The following FAT3 variants were observed in gnomAD, a reference collection of about 807,000 sequenced individuals.
FAT3 encodes the protein FAT atypical cadherin 3.
In FAT3, 95 loss-of-function variants were observed where a neutral mutation model predicts 310.2. The ratio of observed to expected loss-of-function variants is 0.31; its 90% CI spans 0.26 to 0.36. The LOEUF (loss-of-function observed/expected upper bound fraction) is 0.36. FAT3 is among the 10% of genes least tolerant of loss of function. The pLI is 1.00. For synonymous variants in FAT3, 2,314 were observed against 2,192.9 expected (o/e 1.06, Z -1.54); for missense variants, 5,408 against 5,715.6 (o/e 0.95, Z 1.74).
At chr11:92,417,842 T>C (rs1950449823) in intron 2 of FAT3, among the ~76,000 whole-genome samples, 1 of 152,334 alleles carries the variant, frequency 6.6e-6, no homozygotes, top group African/African-American at 2.4e-5. Context: ...TGCAGCTCAC[T>C]GTGGATCTCC....
At chr11:92,763,134 G>C (rs1031057271) in intron 5 of FAT3, among the ~76,000 whole-genome samples, 2 of 151,738 alleles carry the variant, frequency 1.3e-5, no homozygotes, top group East Asian at 3.9e-4. Flanking sequence ...ACTCCAGCCC[G>C]GGTGACAGAG....
intron 1 of FAT3, among the ~76,000 whole-genome samples, chr11:92,254,480 C>A (rs188022608): frequency 3.7e-4 from 56 of 152,246 alleles, no homozygotes; most frequent in Admixed American, 3.6e-3. Context: ...GAAATATTAA[C>A]CCTCTCCACT....
intron 11 of FAT3, 138 bp downstream of exon 11, chr11:92,805,487 T>A (rs1321918190): frequency 2.4e-6 from 2 of 816,892 alleles, no homozygotes; most frequent in Non-Finnish European, 3.6e-6. Context: ...GGGTAGGAGG[T>A]GAAGTTTAGG....
chr11:92,486,568 C>T (rs534859273), intron 2 of FAT3, among the ~76,000 whole-genome samples: 10 of 152,140 alleles, frequency 6.6e-5, no homozygotes, highest in African/African-American at 2.4e-4. Flanking sequence ...TTTAAAAAAT[C>T]CCAGATTTTT....
intron 1 of FAT3, among the ~76,000 whole-genome samples, chr11:92,291,896 A>T (rs1946705729): frequency 1.3e-5 from 2 of 152,096 alleles, no homozygotes; most frequent in African/African-American, 4.8e-5. Flanking sequence ...TTTGGGATTC[A>T]GCCTAGAAGA....
At chr11:92,319,847 C>A (rs1396970747) in intron 1 of FAT3, among the ~76,000 whole-genome samples, 3 of 152,126 alleles carry the variant, frequency 2.0e-5, no homozygotes, top group Non-Finnish European at 4.4e-5. Context: ...TAGTGTTTTT[C>A]AAACTGTATT....
At chr11:92,294,638 C>T (rs540128628) in intron 1 of FAT3, among the ~76,000 whole-genome samples, 1 of 148,808 alleles carries the variant, frequency 6.7e-6, no homozygotes, top group East Asian at 2.0e-4. Flanking sequence ...CTATTGCTAA[C>T]ACAAAGAAAA....
intron 2 of FAT3, among the ~76,000 whole-genome samples, chr11:92,462,898 C>T (rs1171115266): frequency 6.6e-6 from 1 of 152,236 alleles, no homozygotes; most frequent in Non-Finnish European, 1.5e-5. Context: ...AGAGAAATCT[C>T]ACTTTCCTGC....
chr11:92,310,834 G>C (rs1947278825), intron 1 of FAT3, among the ~76,000 whole-genome samples: 1 of 151,858 alleles, frequency 6.6e-6, no homozygotes, highest in South Asian at 2.1e-4. Flanking sequence ...GATAAATTTA[G>C]GTAATAGCTA....
Position 92,530,699 on chromosome 11 carries a change from A to G in FAT3, c.3607+5751A>G, listed in dbSNP as rs542320589. Among the ~76,000 whole-genome samples the G allele has an allele frequency of 2.6e-5, 4 of 152,234 alleles. No homozygotes were observed. In the East Asian group the frequency reaches 7.8e-4, roughly 30 times the overall value. ...AGTTCAGACCTACTTTAATGAATCA[A>G]CAAACATTATTGTATTTTAATATAT... On this transcript the variant is annotated intron_variant, in intron 3 of 27. Transcript: ENST00000525166.
intron 2 of FAT3, among the ~76,000 whole-genome samples, chr11:92,383,722 G>T (rs1363410406): frequency 6.6e-6 from 1 of 152,142 alleles, no homozygotes; most frequent in East Asian, 1.9e-4. Context: ...TATCCTCCAG[G>T]ATCTCATGAG....
chr11:92,408,471 C>T (rs1045397539), intron 2 of FAT3, among the ~76,000 whole-genome samples: 42 of 152,190 alleles, frequency 2.8e-4, no homozygotes, highest in African/African-American at 1.0e-3. Context: ...TTAGTTCCCC[C>T]ACCTGAAGCA....
chr11:92,576,462 A>G (rs2135519313), intron 3 of FAT3, among the ~76,000 whole-genome samples: 1 of 152,252 alleles, frequency 6.6e-6, no homozygotes, highest in South Asian at 2.1e-4. Context: ...GATCGTGTTC[A>G]TTCCCAAGCA....
intron 1 of FAT3, among the ~76,000 whole-genome samples, chr11:92,334,681 T>C (rs1375556844): frequency 6.6e-6 from 1 of 152,156 alleles, no homozygotes; most frequent in African/African-American, 2.4e-5. Context: ...TGCCATTCAT[T>C]CATTCATGTC....
chr11:92,463,252 G>C (rs1187974237), intron 2 of FAT3, among the ~76,000 whole-genome samples: 3 of 152,156 alleles, frequency 2.0e-5, no homozygotes, highest in Non-Finnish European at 2.9e-5. Flanking sequence ...CTCTCATTTT[G>C]TATCAGTCTT....
At chr11:92,310,805 C>T (rs1025995745) in intron 1 of FAT3, among the ~76,000 whole-genome samples, 12 of 152,014 alleles carry the variant, frequency 7.9e-5, no homozygotes, top group African/African-American at 2.9e-4. Context: ...TTTTCTGTAT[C>T]ATGACGAGTA....
At chr11:92,770,820 C>A (rs1946438446) in intron 6 of FAT3, among the ~76,000 whole-genome samples, 1 of 152,146 alleles carries the variant, frequency 6.6e-6, no homozygotes, top group South Asian at 2.1e-4. Context: ...TGCTCCAATG[C>A]CCAGCATATT....
chr11:92,811,215 C>A (rs1259825306), intron 13 of FAT3, among the ~76,000 whole-genome samples: 1 of 152,104 alleles, frequency 6.6e-6, no homozygotes, highest in Non-Finnish European at 1.5e-5. Flanking sequence ...CAAATAGTCT[C>A]TTTTTTAAAG....
chr11:92,306,245 GT>G (rs1250107678), intron 1 of FAT3, among the ~76,000 whole-genome samples: 3 of 151,432 alleles, frequency 2.0e-5, no homozygotes, highest in Non-Finnish European at 4.4e-5. Context: ...TAGACTAAAT[GT>G]TTTTAGCTTC....
Sources: allele counts gnomAD v4.1 joint callset (sites outside exome capture counted in the v4.1 genomes callset), GRCh38; gene constraint gnomAD v4.1.1; transcripts MANE v1.5; gene names NCBI Gene and HGNC (gene_info 2026-07-23, HGNC 2026-07-21).